ZNF652: variants seen among roughly 807,000 people sequenced by gnomAD.
ZNF652 encodes zinc finger protein 652.
Under a neutral mutation model 45.2 loss-of-function variants are expected in ZNF652, and 16 were observed. That is an observed-to-expected ratio of 0.35 (90% CI 0.24 to 0.54). The LOEUF is 0.54. Ranked by LOEUF, ZNF652 falls within the 20% of genes least tolerant of loss-of-function variation. The probability of loss-of-function intolerance (pLI) is 0.91; values close to 1 mark genes in which losing one functional copy is unlikely to be tolerated. For synonymous variants in ZNF652, 250 were observed against 260.6 expected (o/e 0.96, Z 0.39); for missense variants, 614 against 765.6 (o/e 0.80, Z 2.34).
At chr17:49,362,293 C>T (rs1175417366), upstream of ZNF652, 1 of 150,994 alleles carries the variant, frequency 6.6e-6, no homozygotes, top group African/African-American at 2.4e-5. Flanking sequence ...GCGGCCCCTT[C>T]CCTCGCTGGC....
chr17:49,321,037 G>A (rs375045295), intron 1 of ZNF652, among the ~76,000 whole-genome samples: 14 of 149,840 alleles, frequency 9.3e-5, no homozygotes, highest in African/African-American at 3.0e-4. Context: ...TTAAAACCAC[G>A]CCCACAACTT....
chr17:49,359,240 C>T (rs2070368310), intron 1 of ZNF652, among the ~76,000 whole-genome samples: 1 of 152,118 alleles, frequency 6.6e-6, no homozygotes, highest in Non-Finnish European at 1.5e-5. Flanking sequence ...AAACTTCAGG[C>T]ATGACATGAG....
chr17:49,294,034 G>A lies in ZNF652; in HGVS notation c.*4379C>T, dbSNP rs2069439821. On this transcript the variant is annotated 3_prime_UTR_variant, in exon 6 of 6. Coordinates refer to ENST00000430262, the MANE Select transcript of ZNF652 (RefSeq NM_001145365.3). ...TTTTACTAACTGAAACCTGCAAGAT[G>A]GGGTAAATATACATATATCTGCAAT... is the stretch of plus-strand genomic sequence containing the variant. 6.6e-6 allele frequency among the ~76,000 whole-genome samples: 1 copy of A among 151,932 alleles called. No individual in the cohort carries two copies. Among genetic ancestry groups the A allele is most frequent in the Non-Finnish European group, 1.5e-5 (1 of 67,988 alleles).
chr17:49,353,519 C>T lies in ZNF652; in HGVS notation c.-259+8390G>A, dbSNP rs557212706. Among the ~76,000 whole-genome samples, 426 of 151,998 alleles carry T rather than the reference C, an allele frequency of 2.8e-3. 11 individuals carry two copies. The South Asian group carries it at 0.039, about 14-fold the overall frequency. Reference sequence around the variant, plus strand: ...TGAGACAGAGTCTCGCTCTGTCACCCGGGCTAGAGTGATGTGATTTCGGCT... The same window carrying T: ...TGAGACAGAGTCTCGCTCTGTCACCTGGGCTAGAGTGATGTGATTTCGGCT... On this transcript the variant is annotated intron_variant, in intron 1 of 5. Transcript: ENST00000430262.
At chr17:49,339,891 G>A (rs1347631503) in intron 1 of ZNF652, among the ~76,000 whole-genome samples, 2 of 152,100 alleles carry the variant, frequency 1.3e-5, no homozygotes, top group Admixed American at 6.6e-5. Flanking sequence ...ATGCCACCAC[G>A]CCCAGCTAGT....
intron 5 of ZNF652, among the ~76,000 whole-genome samples, chr17:49,307,925 G>A (rs2069655478): frequency 6.6e-6 from 1 of 152,130 alleles, no homozygotes; most frequent in South Asian, 2.1e-4. Flanking sequence ...TTATATTGCT[G>A]ATGACATAAT....
At chr17:49,323,277 ATC>A (rs1169451989) in intron 1 of ZNF652, among the ~76,000 whole-genome samples, 1 of 152,236 alleles carries the variant, frequency 6.6e-6, no homozygotes, top group Admixed American at 6.5e-5. Flanking sequence ...AGTAGATTCC[ATC>A]TCAAGAAGTA....
At position 49,295,963 on chromosome 17, in the gene ZNF652, A is replaced by AAAAAC. The variant is rs1451914069; in HGVS notation, c.*2449_*2450insGTTTT. ...AAAAAAAAAAAAAAAAAAAAAAAAAAAACAGAACAAAATATAACCAATTAA... is the reference window on the plus strand; with the variant it reads ...AAAAAAAAAAAAAAAAAAAAAAAAAAAAAACAACAGAACAAAATATAACCAATTAA... On this transcript the variant is annotated 3_prime_UTR_variant, in exon 6 of 6. Coordinates refer to ENST00000430262, the MANE Select transcript of ZNF652 (RefSeq NM_001145365.3). 10 of 146,882 alleles carry AAAAAC rather than the reference A, an allele frequency of 6.8e-5. No homozygotes were observed. Among genetic ancestry groups the AAAAAC allele is most frequent in the Admixed American group, 1.4e-4 (2 of 14,448 alleles). The allele number at this position is 146,882 out of a possible 1,614,324, so 9.1% of individuals were successfully genotyped here.
chr17:49,331,284 G>A (rs1258009107), intron 1 of ZNF652, among the ~76,000 whole-genome samples: 2 of 151,720 alleles, frequency 1.3e-5, no homozygotes, highest in Non-Finnish European at 2.9e-5. Context: ...ACCACGCCCG[G>A]CTAATTTTTT....
At chr17:49,339,923 G>A (rs796998240) in intron 1 of ZNF652, among the ~76,000 whole-genome samples, 13 of 152,212 alleles carry the variant, frequency 8.5e-5, no homozygotes, top group African/African-American at 2.9e-4. Context: ...TACTAGAGAC[G>A]GGGTTTCACC....
chr17:49,316,705 T>C (rs1020657407), intron 2 of ZNF652, 121 bp downstream of exon 2: 2 of 1,059,620 alleles, frequency 1.9e-6, no homozygotes, highest in Non-Finnish European at 2.7e-6. Context: ...TTTCAAATGA[T>C]AAATTGGTGA....
chr17:49,312,846 C>A lies in ZNF652; in HGVS notation c.901-1G>T. 1 of 1,613,330 alleles carries A rather than the reference C, an allele frequency of 6.2e-7. No homozygotes were observed. The highest frequency in any genetic ancestry group is 8.5e-7 in the Non-Finnish European group (1 of 1,179,720). On this transcript the variant is annotated splice_acceptor_variant, in intron 2 of 5. Transcript: ENST00000430262. LOFTEE classifies it high-confidence loss of function. ...TGAACGATTTGTTACAGGAAACACA[C>A]TGAGCAGGATAAATAGAAATAATAT... is the stretch of plus-strand genomic sequence containing the variant.
At chr17:49,315,151 C>G (rs2069783631) in intron 2 of ZNF652, among the ~76,000 whole-genome samples, 1 of 151,698 alleles carries the variant, frequency 6.6e-6, no homozygotes, top group Non-Finnish European at 1.5e-5. Flanking sequence ...AAGCGATTCT[C>G]CTGCCTCAGC....
intron 1 of ZNF652, among the ~76,000 whole-genome samples, chr17:49,344,704 G>A (rs778450116): frequency 1.3e-5 from 2 of 151,824 alleles, no homozygotes; most frequent in Non-Finnish European, 2.9e-5. Flanking sequence ...GTATTTTAAC[G>A]GAGACGGAGT....
At chr17:49,338,493 T>A (rs769551485) in intron 1 of ZNF652, among the ~76,000 whole-genome samples, 5 of 152,160 alleles carry the variant, frequency 3.3e-5, no homozygotes, top group African/African-American at 9.6e-5. Flanking sequence ...ACCACAGATT[T>A]AAACCAACCC....
At chr17:49,311,252 A>G in intron 5 of ZNF652, 60 bp downstream of exon 5, 1 of 1,548,120 alleles carries the variant, frequency 6.5e-7, no homozygotes, top group Admixed American at 1.8e-5. Context: ...AAACAGACCC[A>G]CAGATGATCA....
chr17:49,301,549 C>T (rs1257506038), intron 5 of ZNF652, among the ~76,000 whole-genome samples: 2 of 152,140 alleles, frequency 1.3e-5, no homozygotes, highest in Non-Finnish European at 2.9e-5. Flanking sequence ...CCGCCCACCT[C>T]GGCCTCCCAA....
chr17:49,352,757 T>C (rs1009737561), intron 1 of ZNF652, among the ~76,000 whole-genome samples: 4 of 152,202 alleles, frequency 2.6e-5, no homozygotes, highest in Non-Finnish European at 5.9e-5. Flanking sequence ...CGAATGTACG[T>C]GATCTGTGGT....
intron 5 of ZNF652, among the ~76,000 whole-genome samples, chr17:49,309,920 G>A (rs1391222463): frequency 6.6e-6 from 1 of 152,056 alleles, no homozygotes; most frequent in African/African-American, 2.4e-5. Flanking sequence ...CACTAGTTAA[G>A]TAAAAAGAAC....
Sources: allele counts gnomAD v4.1 joint callset (sites outside exome capture counted in the v4.1 genomes callset), GRCh38; gene constraint gnomAD v4.1.1; transcripts MANE v1.5; gene names NCBI Gene and HGNC (gene_info 2026-07-23, HGNC 2026-07-21).